The following RBM34 variants were observed in gnomAD, a reference collection of about 807,000 sequenced individuals.
RBM34 encodes RNA-binding protein 34.
RBM34 carries 39 observed loss-of-function variants against 44.6 expected under a neutral mutation model. The ratio of observed to expected loss-of-function variants is 0.87; its 90% confidence interval spans 0.68 to 1.14. The LOEUF (loss-of-function observed/expected upper bound fraction) is 1.14, where lower values mean the gene tolerates loss of function less well. Ranked by LOEUF, RBM34 falls within the 50% of genes most tolerant of loss-of-function variation. The probability of loss-of-function intolerance (pLI) is 0.00; values close to 1 mark genes in which losing one functional copy is unlikely to be tolerated. For missense variants in RBM34, 572 were observed against 517.9 expected (o/e 1.10, Z -1.01); for synonymous variants, 194 against 184.0 (o/e 1.05, Z -0.44).
Position 235,131,533 on chromosome 1 carries a change from A to G in RBM34, c.*180T>C. 1.4e-6 allele frequency: 1 copy of G among 690,196 alleles called. No individual in the cohort carries two copies. The highest frequency in any genetic ancestry group is 3.1e-5 in the South Asian group (1 of 32,266). 42.8% of individuals were successfully genotyped at this position (690,196 alleles called of 1,614,324 possible). ...CAAAAAACAAAACAAAAACAAAAAA[A>G]CCTTCAAAGGTAGTATCACAATGTG... On this transcript the variant is annotated 3_prime_UTR_variant, in exon 11 of 11. Coordinates refer to ENST00000408888, the MANE Select transcript of RBM34 (RefSeq NM_015014.4).
chr1:235,146,820 C>T (rs559208894), intron 6 of RBM34, among the ~76,000 whole-genome samples: 6 of 152,254 alleles, frequency 3.9e-5, no homozygotes, highest in African/African-American at 1.4e-4. Flanking sequence ...AGTGTTTTGC[C>T]ATGTTGGCCA....
chr1:235,158,421 CAA>C (rs1162562166), intron 3 of RBM34, among the ~76,000 whole-genome samples: 1 of 92,158 alleles, frequency 1.1e-5, no homozygotes, highest in African/African-American at 4.0e-5. Context: ...CATCTCAAAA[CAA>C]AAAAAAAAAA....
At position 235,154,870 on chromosome 1, in the gene RBM34, T is replaced by C. The variant is rs1329254828; in HGVS notation, c.597+11A>G. 1.4e-5 allele frequency: 22 copies of C among 1,602,386 alleles called. No individual in the cohort carries two copies. The East Asian group carries it at 4.9e-4, about 36-fold the overall frequency. On this transcript the variant is annotated intron_variant, in intron 4 of 10. Coordinates refer to ENST00000408888, the MANE Select transcript of RBM34 (RefSeq NM_015014.4). Reference sequence around the variant, plus strand: ...TTAACTTCTCTGAACTTTTACCATATACAAACTCACCTTCTTATTACATGT... The same window carrying C: ...TTAACTTCTCTGAACTTTTACCATACACAAACTCACCTTCTTATTACATGT...
chr1:235,145,433 T>C (rs1661863520), intron 6 of RBM34, among the ~76,000 whole-genome samples: 1 of 151,972 alleles, frequency 6.6e-6, no homozygotes, highest in African/African-American at 2.4e-5. Context: ...TGCACCACCT[T>C]GCCCAGCTAA....
intron 5 of RBM34, among the ~76,000 whole-genome samples, chr1:235,152,206 T>C (rs928440831): frequency 1.3e-5 from 2 of 152,192 alleles, no homozygotes; most frequent in Non-Finnish European, 2.9e-5. Context: ...CTCCAAAGAA[T>C]GTGGCTATAA....
At chr1:235,138,351 A>G (rs947176681) in intron 6 of RBM34, among the ~76,000 whole-genome samples, 177 bp from the exon 7 acceptor site, 2 of 152,224 alleles carry the variant, frequency 1.3e-5, no homozygotes, top group African/African-American at 4.8e-5. Flanking sequence ...AAAATAACAC[A>G]CAACTTATAA....
intron 5 of RBM34, among the ~76,000 whole-genome samples, chr1:235,151,385 TACAG>T (rs1436429554): frequency 1.3e-5 from 2 of 152,114 alleles, no homozygotes; most frequent in Non-Finnish European, 2.9e-5. Context: ...AAAGGTCTAA[TACAG>T]GGAAATGGAA....
intron 5 of RBM34, among the ~76,000 whole-genome samples, chr1:235,148,843 C>T (rs911678249): frequency 1.3e-5 from 2 of 151,786 alleles, no homozygotes; most frequent in Non-Finnish European, 2.9e-5. Flanking sequence ...CGTGATCCGC[C>T]CACCTTGGCC....
At chr1:235,148,348 T>C (rs1410548005) in intron 6 of RBM34, 56 bp downstream of exon 6, 1 of 1,378,560 alleles carries the variant, frequency 7.3e-7, no homozygotes, top group Middle Eastern at 1.8e-4. Flanking sequence ...GTCTCACTTT[T>C]TAGCCAAAAA....
intron 5 of RBM34, among the ~76,000 whole-genome samples, chr1:235,150,764 G>C (rs539495460): frequency 6.6e-6 from 1 of 152,328 alleles, no homozygotes; most frequent in Non-Finnish European, 1.5e-5. Context: ...CAGTCTGGTG[G>C]AGGAGGCAAA....
chr1:235,131,982 G>A lies in RBM34; in HGVS notation c.1024C>T (p.His342Tyr), dbSNP rs781364855. The change falls in exon 11 of 11, where the codon CAT becomes TAT. Residue 342 changes from histidine to tyrosine, a missense_variant. His to Tyr is a moderately conservative substitution (Grantham distance 83, BLOSUM62 2). Transcript: ENST00000408888. Reference sequence around the variant, plus strand: ...GAATTATTTAATTTCAGAGCAAGATGAACAGAATCTGTATTCTGCAAAAGA... The same window carrying A: ...GAATTATTTAATTTCAGAGCAAGATAAACAGAATCTGTATTCTGCAAAAGA... ...YVLFENTDSV[H>Y]LALKLNNSEL... 4 of 1,598,044 alleles carry A rather than the reference G, an allele frequency of 2.5e-6. No individual in the cohort carries two copies. Among genetic ancestry groups the A allele is most frequent in the African/African-American group, 2.7e-5 (2 of 73,938 alleles).
rs1236167581 is a variant in RBM34 at position 235,135,683 on chromosome 1, A to T, written c.977T>A (p.Ile326Asn). 1 of 1,614,084 alleles carries T rather than the reference A, an allele frequency of 6.2e-7. No homozygotes were observed. The highest frequency in any genetic ancestry group is 1.3e-5 in the African/African-American group (1 of 74,938). Residue 326 changes from isoleucine to asparagine, a missense_variant, in exon 10 of 11, where the codon ATC (isoleucine) becomes AAC (asparagine). Ile to Asn is a moderately radical substitution (Grantham distance 149). Transcript: ENST00000408888. ...GAGCACATAGCCAAACCCTTTGCCGATGCCTGTCATTTTGTCTCTCACAAT... is the reference window on the plus strand; with the variant it reads ...GAGCACATAGCCAAACCCTTTGCCGTTGCCTGTCATTTTGTCTCTCACAAT... Reference protein sequence around the residue: ...VRIVRDKMTGIGKGFGYVLFE... With the variant: ...VRIVRDKMTGNGKGFGYVLFE...
In RBM34 at chr1:235,131,628, C is replaced by A; in HGVS notation, c.*85G>T. 1 of 1,426,440 alleles carries A rather than the reference C, an allele frequency of 7.0e-7. No individual in the cohort carries two copies. The highest frequency in any genetic ancestry group is 9.5e-7 in the Non-Finnish European group (1 of 1,054,322). 88.4% of individuals were successfully genotyped at this position (1,426,440 alleles called of 1,614,324 possible). A position where few individuals can be genotyped will look rare whatever the true frequency, so the allele number is the denominator to read the frequency against. On this transcript the variant is annotated 3_prime_UTR_variant, in exon 11 of 11. Transcript: ENST00000408888. ...CCATAAAGAAGTATAAAACTCAACA[C>A]ATGAATAGCAGACGATGCTATCAGC...
chr1:235,160,336 G>C lies in RBM34; in HGVS notation c.365+175C>G, dbSNP rs143706396. 2,811 of 799,488 alleles carry C rather than the reference G, an allele frequency of 3.5e-3. 40 individuals are homozygous for C. In the African/African-American group the frequency reaches 0.035, roughly 10 times the overall value. The allele number at this position is 799,488 out of a possible 1,614,324, so 49.5% of individuals were successfully genotyped here. A position where few individuals can be genotyped will look rare whatever the true frequency, so the allele number is the denominator to read the frequency against. On this transcript the variant is annotated intron_variant, in intron 3 of 10. Coordinates refer to ENST00000408888, the MANE Select transcript of RBM34 (RefSeq NM_015014.4). Reference sequence around the variant, plus strand: ...TAGCCAAATATTAGTAATTGCTGATGCTGAGTACACGGGGTTTCTTAGCCT... The same window carrying C: ...TAGCCAAATATTAGTAATTGCTGATCCTGAGTACACGGGGTTTCTTAGCCT...
At chr1:235,153,502 G>A (rs1308046611) in intron 4 of RBM34, among the ~76,000 whole-genome samples, 2 of 150,282 alleles carry the variant, frequency 1.3e-5, no homozygotes, top group Admixed American at 6.7e-5. Flanking sequence ...CTTGGCTTCT[G>A]CAACCTCCCC....
intron 6 of RBM34, among the ~76,000 whole-genome samples, chr1:235,145,228 A>ACTC: frequency 6.6e-6 from 1 of 152,302 alleles, no homozygotes; most frequent in East Asian, 1.9e-4. Context: ...AGAGAAATTC[A>ACTC]AATTAGAAAT....
chr1:235,155,692 AC>A (rs1662371420), intron 3 of RBM34, among the ~76,000 whole-genome samples: 1 of 148,634 alleles, frequency 6.7e-6, no homozygotes. Context: ...TTTAGTAAAG[AC>A]GGGGTTTCAC....
chr1:235,135,929 T>C, intron 9 of RBM34, 105 bp downstream of exon 9: 2 of 1,257,526 alleles, frequency 1.6e-6, no homozygotes, highest in Non-Finnish European at 2.2e-6. Context: ...ACACATTGCA[T>C]GCTTTAAAAT....
In RBM34 at chr1:235,134,501, A is replaced by C. The variant is rs544232496; in HGVS notation, c.1008+1151T>G. Among the ~76,000 whole-genome samples, 4 of 152,260 alleles carry C rather than the reference A, an allele frequency of 2.6e-5. No individual in the cohort carries two copies. In the South Asian group the frequency reaches 8.3e-4, roughly 32 times the overall value. On this transcript the variant is annotated intron_variant, in intron 10 of 10. Coordinates refer to ENST00000408888, the MANE Select transcript of RBM34 (RefSeq NM_015014.4). ...TCCTTAATATTGTCAGGCATGAAAC[A>C]CTGGTTAAAAATTAGCGAACTAAAT...
Sources: gnomAD v4.1 joint callset for allele counts (sites outside exome capture counted in the v4.1 genomes callset) on GRCh38, gnomAD v4.1.1 for gene constraint, MANE v1.5 for transcripts, NCBI Gene and HGNC (gene_info 2026-07-23, HGNC 2026-07-21) for gene names.